The following C8orf89 variants were observed in gnomAD, a reference collection of about 807,000 sequenced individuals.
The protein encoded by C8orf89 is chromosome 8 open reading frame 89.
A neutral mutation model predicts 15.8 loss-of-function variants in C8orf89; 14 were observed. The observed-to-expected ratio is 0.89, with a 90% CI of 0.59 to 1.39. The LOEUF (loss-of-function observed/expected upper bound fraction) is 1.39, where lower values mean the gene tolerates loss of function less well. C8orf89 is among the 40% of genes most tolerant of loss of function. C8orf89 has a pLI of 0.00. For synonymous variants in C8orf89, 55 were observed against 62.2 expected (o/e 0.88, Z 0.54); for missense variants, 181 against 184.5 (o/e 0.98, Z 0.11).
chr8:73,282,046 A>T, the C8orf89 span, among the ~76,000 whole-genome samples: 1 of 152,248 alleles, frequency 6.6e-6, no homozygotes, highest in African/African-American at 2.4e-5. Context: ...TAACTTTTCT[A>T]TGTTAAATCA....
At chr8:73,268,433 C>A in the C8orf89 span, among the ~76,000 whole-genome samples, 10 of 151,766 alleles carry the variant, frequency 6.6e-5, 1 homozygote, top group East Asian at 1.6e-3. Flanking sequence ...GAGCCGAGAT[C>A]GCGCCACTGC....
chr8:73,261,488 C>G (rs1473666884), upstream of C8orf89, among the ~76,000 whole-genome samples: 1 of 151,594 alleles, frequency 6.6e-6, no homozygotes, highest in African/African-American at 2.4e-5. Context: ...AGGGGGAGAC[C>G]CAAAGGTAGC....
At chr8:73,258,409 C>CA (rs34265425) in intron 1 of C8orf89, among the ~76,000 whole-genome samples, 1,288 of 68,864 alleles carry the variant, frequency 0.019, 27 homozygotes, top group Middle Eastern at 0.051. Context: ...GACTCCATCT[C>CA]AAAAAAAAAA....
upstream of C8orf89, among the ~76,000 whole-genome samples, chr8:73,263,618 T>G (rs1813567801): frequency 6.6e-6 from 1 of 152,212 alleles, no homozygotes; most frequent in African/African-American, 2.4e-5. Flanking sequence ...ACATATTTAT[T>G]ATTCATCCAC....
At chr8:73,283,193 G>A in the C8orf89 span, among the ~76,000 whole-genome samples, 25 of 152,320 alleles carry the variant, frequency 1.6e-4, no homozygotes, top group African/African-American at 6.0e-4. Flanking sequence ...TGGAGAGGCA[G>A]ACAGTTCAGG....
upstream of C8orf89, among the ~76,000 whole-genome samples, chr8:73,261,558 C>T (rs1294991111): frequency 2.0e-5 from 3 of 152,110 alleles, no homozygotes; most frequent in Non-Finnish European, 2.9e-5. Context: ...CCTGAGGGGC[C>T]ACTGCCTCAG....
upstream of C8orf89, among the ~76,000 whole-genome samples, chr8:73,263,821 G>A (rs377723285): frequency 5.9e-5 from 9 of 152,268 alleles, no homozygotes; most frequent in South Asian, 1.0e-3. Context: ...TTCTATATTG[G>A]TGATGGTTAA....
At chr8:73,255,622 G>T (rs1410632286) in intron 2 of C8orf89, among the ~76,000 whole-genome samples, 2 of 149,188 alleles carry the variant, frequency 1.3e-5, no homozygotes, top group Admixed American at 6.7e-5. Context: ...TATACCCAAA[G>T]GACTATAAAT....
chr8:73,260,342 A>T (rs368831467), upstream of C8orf89, among the ~76,000 whole-genome samples: 31 of 151,914 alleles, frequency 2.0e-4, 1 homozygote, highest in East Asian at 2.3e-3. Context: ...AACAATGAGA[A>T]CACTTGGACA....
chr8:73,247,426 A>G (rs1450629471), intron 3 of C8orf89, among the ~76,000 whole-genome samples: 2 of 152,214 alleles, frequency 1.3e-5, no homozygotes, highest in Non-Finnish European at 2.9e-5. Flanking sequence ...TCTTTATTAC[A>G]GAAGGATTTA....
the C8orf89 span, among the ~76,000 whole-genome samples, chr8:73,272,091 T>C: frequency 1.3e-5 from 2 of 152,190 alleles, no homozygotes; most frequent in African/African-American, 2.4e-5. Context: ...AGGGGATGTA[T>C]AGCTTGACTC....
intron 2 of C8orf89, among the ~76,000 whole-genome samples, chr8:73,253,472 G>A (rs1813295880): frequency 2.0e-5 from 3 of 151,948 alleles, no homozygotes; most frequent in Non-Finnish European, 4.4e-5. Context: ...ATTCTGTGAA[G>A]AAAGTCATTG....
At chr8:73,242,886 C>G (rs952725987) in intron 3 of C8orf89, among the ~76,000 whole-genome samples, 3 of 151,998 alleles carry the variant, frequency 2.0e-5, no homozygotes, top group African/African-American at 7.3e-5. Context: ...TCACAATGGC[C>G]AAGATTTGGA....
chr8:73,284,151 A>T, the C8orf89 span, among the ~76,000 whole-genome samples: 52 of 151,500 alleles, frequency 3.4e-4, no homozygotes, highest in Middle Eastern at 6.9e-3. Context: ...ATACATCTGT[A>T]CTATGAAATA....
At chr8:73,270,596 A>G in the C8orf89 span, among the ~76,000 whole-genome samples, 1 of 152,190 alleles carries the variant, frequency 6.6e-6, no homozygotes, top group Non-Finnish European at 1.5e-5. Flanking sequence ...AAATATTAAA[A>G]TGAAGCTCTA....
the C8orf89 span, among the ~76,000 whole-genome samples, chr8:73,272,973 G>T: frequency 2.0e-5 from 3 of 152,188 alleles, no homozygotes; most frequent in African/African-American, 7.2e-5. Context: ...CTGCAAAGAT[G>T]ATGCCCTTAA....
the C8orf89 span, among the ~76,000 whole-genome samples, chr8:73,280,924 T>C: frequency 6.6e-6 from 1 of 152,010 alleles, no homozygotes; most frequent in Non-Finnish European, 1.5e-5. Context: ...GCAGATAATA[T>C]AATGAGCTAC....
the C8orf89 span, among the ~76,000 whole-genome samples, chr8:73,273,371 C>G: frequency 3.9e-5 from 6 of 152,246 alleles, no homozygotes; most frequent in Non-Finnish European, 1.5e-5. Context: ...AGTGCCCACT[C>G]TGATTTTAGA....
At chr8:73,270,932 T>C in the C8orf89 span, among the ~76,000 whole-genome samples, 1 of 152,180 alleles carries the variant, frequency 6.6e-6, no homozygotes, top group East Asian at 1.9e-4. Context: ...ATTTAAGCTT[T>C]CCCTAAATAA....
Sources: gnomAD v4.1 joint callset for allele counts (sites outside exome capture counted in the v4.1 genomes callset) on GRCh38, gnomAD v4.1.1 for gene constraint, MANE v1.5 for transcripts, NCBI Gene and HGNC (gene_info 2026-07-23, HGNC 2026-07-21) for gene names.